SH2B2: variants seen among roughly 807,000 people sequenced by gnomAD.
SH2B2 encodes SH2B adaptor protein 2.
SH2B2 carries 37 observed loss-of-function variants against 35.7 expected under a neutral mutation model. The observed-to-expected ratio is 1.04, with a 90% CI of 0.80 to 1.36. The LOEUF (loss-of-function observed/expected upper bound fraction) is 1.36, where lower values mean the gene tolerates loss of function less well. SH2B2 is among the 40% of genes most tolerant of loss of function. The pLI is 0.00. For missense variants in SH2B2, 852 were observed against 817.7 expected, an observed-to-expected ratio of 1.04 and a Z score of -0.51; for synonymous variants, 383 against 376.4, an observed-to-expected ratio of 1.02 and a Z score of -0.20.
In SH2B2 at chr7:102,297,672, C is replaced by T. The variant is rs1179151165; in HGVS notation, c.-29-2850C>T. Among the ~76,000 whole-genome samples, 2 of 152,032 alleles carry T rather than the reference C, an allele frequency of 1.3e-5. No individual in the cohort carries two copies. Among genetic ancestry groups the T allele is most frequent in the African/African-American group, 4.8e-5 (2 of 41,388 alleles). On this transcript the variant is annotated intron_variant, in intron 1 of 8. Transcript: ENST00000444095. The surrounding 1 kb of genome is among the most constrained non-coding windows in gnomAD (Gnocchi z 4.3). ...GACAGCTGTGACATGCCTGGTGTGC[C>T]AAACTCATTCATTTGTTCATTCAGT...
At chr7:102,315,234 G>A (rs1554556748) in intron 6 of SH2B2, among the ~76,000 whole-genome samples, 1 of 152,064 alleles carries the variant, frequency 6.6e-6, no homozygotes, top group African/African-American at 2.4e-5. Flanking sequence ...GCTGGGTGCA[G>A]TGTCTCACAC....
intron 1 of SH2B2, among the ~76,000 whole-genome samples, chr7:102,299,159 A>G (rs1793044429): frequency 1.4e-5 from 2 of 138,552 alleles, no homozygotes; most frequent in East Asian, 2.1e-4. Context: ...TCGGCCTCCC[A>G]AAGTGCTGGG....
chr7:102,318,778 C>T (rs1554557663), intron 7 of SH2B2, among the ~76,000 whole-genome samples: 1 of 152,210 alleles, frequency 6.6e-6, no homozygotes, highest in Non-Finnish European at 1.5e-5. Flanking sequence ...GCACCTCCAC[C>T]AGGGACATTT....
intron 4 of SH2B2, 130 bp downstream of exon 4, chr7:102,309,036 T>G: frequency 1.3e-6 from 1 of 793,942 alleles, no homozygotes. Flanking sequence ...GCGATTCAGG[T>G]TGGTGCCAGC....
chr7:102,310,979 G>A (rs920624684), intron 4 of SH2B2, among the ~76,000 whole-genome samples: 10 of 152,200 alleles, frequency 6.6e-5, no homozygotes, highest in Non-Finnish European at 1.5e-4. Context: ...AGTGGTATCC[G>A]GGCCAAGAGA....
intron 7 of SH2B2, among the ~76,000 whole-genome samples, chr7:102,317,711 C>G (rs1019826659): frequency 2.0e-5 from 3 of 152,186 alleles, no homozygotes; most frequent in Non-Finnish European, 4.4e-5. Context: ...TCAGCTCCTG[C>G]GCGCGGGGGA....
intron 1 of SH2B2, among the ~76,000 whole-genome samples, chr7:102,289,780 C>G: frequency 7.0e-6 from 1 of 143,788 alleles, no homozygotes; most frequent in Non-Finnish European, 1.5e-5. Context: ...AGTTATGACA[C>G]TGGGGGAGTG....
In SH2B2 at chr7:102,300,997, C is replaced by G; in HGVS notation, c.447C>G (p.Arg149=). ...NMSLCVVDGV[R]DMWHRRASPE... is the part of the protein sequence containing the mutation. Reference sequence around the variant, plus strand: ...GCCTGTGCGTGGTGGACGGCGTGCGCGACATGTGGCACCGGCGCGCCTCGC... The same window carrying G: ...GCCTGTGCGTGGTGGACGGCGTGCGGGACATGTGGCACCGGCGCGCCTCGC... The change falls in exon 2 of 9, where the codon CGC becomes CGG. Residue 149 remains arginine (R), a synonymous_variant. Transcript: ENST00000444095. 4 of 1,435,160 alleles carry G rather than the reference C, an allele frequency of 2.8e-6. No individual in the cohort carries two copies. The highest frequency in any genetic ancestry group is 3.6e-6 in the Non-Finnish European group (4 of 1,096,894). The allele number at this position is 1,435,160 out of a possible 1,614,324, so 88.9% of individuals were successfully genotyped here.
chr7:102,309,465 A>G, intron 4 of SH2B2: 2 of 293,802 alleles, frequency 6.8e-6, no homozygotes, highest in East Asian at 1.1e-4. Context: ...GGTTCAAGCA[A>G]TTTTCCTGCC....
At chr7:102,288,531 G>A (rs1201125604) in intron 1 of SH2B2, among the ~76,000 whole-genome samples, 1 of 151,982 alleles carries the variant, frequency 6.6e-6, no homozygotes, top group Non-Finnish European at 1.5e-5. Context: ...TACCCTTGTT[G>A]TGAAAAATCT....
intron 2 of SH2B2, among the ~76,000 whole-genome samples, chr7:102,305,838 T>C (rs1318205279): frequency 6.6e-6 from 1 of 151,206 alleles, no homozygotes; most frequent in Non-Finnish European, 1.5e-5. Context: ...ATGTCAATTC[T>C]GGTTCTGTCC....
intron 1 of SH2B2, among the ~76,000 whole-genome samples, chr7:102,293,628 T>A (rs1178687473): frequency 6.6e-6 from 1 of 151,980 alleles, no homozygotes; most frequent in Non-Finnish European, 1.5e-5. Context: ...CTGGGCTTCC[T>A]TTGTCTCCAA....
intron 1 of SH2B2, among the ~76,000 whole-genome samples, chr7:102,291,480 A>T (rs1273622856): frequency 6.6e-6 from 1 of 152,206 alleles, no homozygotes; most frequent in Non-Finnish European, 1.5e-5. Flanking sequence ...ATACAGAGGC[A>T]TACAAGTCCC....
chr7:102,311,554 CTTTTTTTTTT>C (rs1171961750), intron 4 of SH2B2, among the ~76,000 whole-genome samples: 1 of 104,666 alleles, frequency 9.6e-6, no homozygotes, highest in African/African-American at 4.0e-5. Flanking sequence ...TGCAACTGGC[CTTTTTTTTTT>C]TTTTTTTTTT....
chr7:102,300,570 G>GCCCCGC lies in SH2B2; in HGVS notation c.22_27dup (p.Pro8_Ala9dup). ...GAAGCCATGAATGGTGCCGGCCCTG[G>GCCCCGC]CCCCGCCGCAGCCGCCCCGGTCCCA... On this transcript the variant is annotated inframe_insertion, in exon 2 of 9. Coordinates refer to ENST00000444095, the MANE Select transcript of SH2B2 (RefSeq NM_001359228.2). 1 of 1,547,124 alleles carries GCCCCGC rather than the reference G, an allele frequency of 6.5e-7. No individual in the cohort carries two copies.
At chr7:102,299,196 G>GGTTTTTTTTTTTTTTTTTTTTTTT (rs1793046884) in intron 1 of SH2B2, among the ~76,000 whole-genome samples, 1 of 29,132 alleles carries the variant, frequency 3.4e-5, no homozygotes, top group Non-Finnish European at 6.2e-5. Context: ...ACCGCGCCTG[G>GGTTTTTTTTTTTTTTTTTTTTTTT]CTTTTTTTTT....
chr7:102,294,022 G>A (rs763844308), intron 1 of SH2B2, among the ~76,000 whole-genome samples: 1 of 152,046 alleles, frequency 6.6e-6, no homozygotes, highest in Non-Finnish European at 1.5e-5. Context: ...TGGGAGAAGA[G>A]AAGGTTTTGT....
Position 102,321,677 on chromosome 7 carries a change from C to A in SH2B2, c.*47C>A. The A allele has an allele frequency of 9.1e-7, 1 of 1,096,636 alleles. No homozygotes were observed. The highest frequency in any genetic ancestry group is 1.1e-6 in the Non-Finnish European group (1 of 899,798). The allele number at this position is 1,096,636 out of a possible 1,614,324, so 67.9% of individuals were successfully genotyped here. On this transcript the variant is annotated 3_prime_UTR_variant, in exon 9 of 9. Coordinates refer to ENST00000444095, the MANE Select transcript of SH2B2 (RefSeq NM_001359228.2). ...GACACGCCAAGCTCTTCAGTGAAGACACGATGTTATTAAAAGCCTGTTTTA... is the reference window on the plus strand; with the variant it reads ...GACACGCCAAGCTCTTCAGTGAAGAAACGATGTTATTAAAAGCCTGTTTTA...
At chr7:102,317,526 GC>G in intron 7 of SH2B2, 131 bp downstream of exon 7, 2 of 821,872 alleles carry the variant, frequency 2.4e-6, no homozygotes, top group Non-Finnish European at 3.6e-6. Flanking sequence ...CTTCCCACGG[GC>G]CCCACTCACC....
Sources: gnomAD v4.1 joint callset for allele counts (sites outside exome capture counted in the v4.1 genomes callset) on GRCh38, gnomAD v4.1.1 for gene constraint, Gnocchi (gnomAD v3.1) non-coding constraint, MANE v1.5 for transcripts, NCBI Gene and HGNC (gene_info 2026-07-23, HGNC 2026-07-21) for gene names.